C1QTNF3: variants seen among roughly 807,000 people sequenced by gnomAD.
C1QTNF3 encodes complement C1q tumor necrosis factor-related protein 3.
A neutral mutation model predicts 32.6 loss-of-function variants in C1QTNF3; 26 were observed. The ratio of observed to expected loss-of-function variants is 0.80; its 90% CI spans 0.58 to 1.11. The LOEUF (loss-of-function observed/expected upper bound fraction) is 1.11, where lower values mean the gene tolerates loss of function less well. C1QTNF3 is among the 50% of genes least tolerant of loss of function. The pLI is 0.00. For synonymous variants in C1QTNF3, 155 were observed against 146.0 expected, an observed-to-expected ratio of 1.06 and a Z score of -0.44; for missense variants, 362 against 398.2, an observed-to-expected ratio of 0.91 and a Z score of 0.77.
chr5:34,080,119 T>C, the C1QTNF3 span, among the ~76,000 whole-genome samples: 3 of 151,698 alleles, frequency 2.0e-5, no homozygotes, highest in Admixed American at 2.0e-4. Flanking sequence ...AGTTCTTTTT[T>C]TTAAAGTGCA....
the C1QTNF3 span, among the ~76,000 whole-genome samples, chr5:34,224,943 A>C: frequency 6.6e-6 from 1 of 152,220 alleles, no homozygotes; most frequent in African/African-American, 2.4e-5. Context: ...AATGAACTCA[A>C]ACAAATTTAC....
chr5:34,033,436 G>A lies in C1QTNF3; in HGVS notation c.438C>T (p.Asn146=), dbSNP rs775873735. Residue 146 remains asparagine (N), a synonymous_variant, in exon 3 of 6, where the codon AAC becomes AAT. Transcript: ENST00000382065. ...CTCCTTCATGACCAGTGGCTCCATT[G>A]TTGCCATTGTTTCCATGGTTTCCTT... The part of the protein sequence containing the change: ...GIPGNHGNNG[N]NGATGHEGAK... 9 of 1,614,024 alleles carry A rather than the reference G, an allele frequency of 5.6e-6. No individual in the cohort carries two copies. Among genetic ancestry groups the A allele is most frequent in the Non-Finnish European group, 6.8e-6 (8 of 1,180,016 alleles).
At chr5:34,069,900 T>C in the C1QTNF3 span, among the ~76,000 whole-genome samples, 71 of 152,322 alleles carry the variant, frequency 4.7e-4, 2 homozygotes, top group African/African-American at 1.6e-3. Flanking sequence ...AGGTATTGTA[T>C]GTCAGAAAGA....
the C1QTNF3 span, among the ~76,000 whole-genome samples, chr5:34,197,748 A>G: frequency 9.2e-5 from 14 of 152,020 alleles, no homozygotes; most frequent in Admixed American, 5.9e-4. Context: ...CACTGTCGCT[A>G]TAGAATACCA....
At chr5:34,104,987 GTTTTTTTTT>G in the C1QTNF3 span, among the ~76,000 whole-genome samples, 1 of 133,120 alleles carries the variant, frequency 7.5e-6, no homozygotes, top group African/African-American at 2.7e-5. Flanking sequence ...TTCAGCAAGA[GTTTTTTTTT>G]TTTTACTTGT....
chr5:34,178,458 A>C, the C1QTNF3 span, among the ~76,000 whole-genome samples: 1 of 116,404 alleles, frequency 8.6e-6, no homozygotes, highest in Admixed American at 8.5e-5. Flanking sequence ...CCTGTGTGTC[A>C]ACTCCAACCC....
intron 3 of C1QTNF3, among the ~76,000 whole-genome samples, chr5:34,031,650 T>G (rs1012071720): frequency 6.6e-6 from 1 of 152,028 alleles, no homozygotes; most frequent in African/African-American, 2.4e-5. Flanking sequence ...CTGGCCAACA[T>G]AGAGAAATGC....
the C1QTNF3 span, among the ~76,000 whole-genome samples, chr5:34,049,502 C>T: frequency 1.3e-5 from 2 of 152,318 alleles, no homozygotes; most frequent in Non-Finnish European, 1.5e-5. Flanking sequence ...TCTGACCCTC[C>T]GGAACCCAGT....
the C1QTNF3 span, among the ~76,000 whole-genome samples, chr5:34,237,596 A>T: frequency 6.6e-6 from 1 of 152,196 alleles, no homozygotes; most frequent in African/African-American, 2.4e-5. Flanking sequence ...GTCAGGAAGC[A>T]CCACCCCCAC....
chr5:34,022,758 G>T (rs189005733), intron 5 of C1QTNF3, among the ~76,000 whole-genome samples: 98 of 152,314 alleles, frequency 6.4e-4, no homozygotes, highest in African/African-American at 2.0e-3. Flanking sequence ...ATTTCCACAA[G>T]CTTGCAACAG....
the C1QTNF3 span, among the ~76,000 whole-genome samples, chr5:34,070,510 T>A: frequency 3.3e-5 from 5 of 152,162 alleles, no homozygotes; most frequent in African/African-American, 1.2e-4. Flanking sequence ...TAGTTAGCAA[T>A]TACTTACTTC....
At chr5:34,244,246 T>C in the C1QTNF3 span, among the ~76,000 whole-genome samples, 3 of 152,162 alleles carry the variant, frequency 2.0e-5, no homozygotes, top group African/African-American at 7.2e-5. Flanking sequence ...CCATACAAAA[T>C]GTCTCTATAT....
chr5:34,103,678 C>T, the C1QTNF3 span, among the ~76,000 whole-genome samples: 3 of 130,944 alleles, frequency 2.3e-5, no homozygotes, highest in Non-Finnish European at 3.2e-5. Context: ...CTAAACTAGC[C>T]GGGTATGGCA....
At chr5:34,132,580 T>C in the C1QTNF3 span, among the ~76,000 whole-genome samples, 4 of 151,904 alleles carry the variant, frequency 2.6e-5, no homozygotes, top group South Asian at 8.3e-4. Flanking sequence ...GGGACATAAA[T>C]GCCTGTATAC....
the C1QTNF3 span, among the ~76,000 whole-genome samples, chr5:34,062,700 C>T: frequency 6.6e-6 from 1 of 152,178 alleles, no homozygotes; most frequent in Admixed American, 6.5e-5. Flanking sequence ...GAAGGGAGTT[C>T]CTCCCAGATC....
chr5:34,139,841 A>C, the C1QTNF3 span, among the ~76,000 whole-genome samples: 839 of 152,306 alleles, frequency 5.5e-3, 9 homozygotes, highest in African/African-American at 0.019. Context: ...AAATGAAAAG[A>C]ATATGTTTAT....
the C1QTNF3 span, among the ~76,000 whole-genome samples, chr5:34,072,365 A>AAG: frequency 0.37 from 41,529 of 112,522 alleles, 5,846 homozygotes; most frequent in Non-Finnish European, 0.44. Context: ...AAAATTAAAA[A>AAG]AGAAAGAGAA....
chr5:34,195,898 G>A, the C1QTNF3 span, among the ~76,000 whole-genome samples: 3 of 152,282 alleles, frequency 2.0e-5, no homozygotes, highest in Non-Finnish European at 4.4e-5. Flanking sequence ...AGGATACTGG[G>A]AGGCGTGGCC....
Position 34,033,334 on chromosome 5 carries a change from C to T in C1QTNF3, c.540G>A (p.Lys180=). 1.2e-6 allele frequency: 2 copies of T among 1,613,750 alleles called. No individual in the cohort carries two copies. Among genetic ancestry groups the T allele is most frequent in the Non-Finnish European group, 8.5e-7 (1 of 1,179,866 alleles). The change falls in exon 3 of 6, where the codon AAG becomes AAA. Residue 180 remains lysine, a synonymous_variant. Transcript: ENST00000382065. ...GTTCTGGTGGAATCCCCGGGTAGCC[C>T]TTCTCTCCTTTGGGGCCATGCTGCC... The part of the protein sequence containing the change: ...ERGQHGPKGE[K]GYPGIPPELQ...
Sources: gnomAD v4.1 joint callset for allele counts (sites outside exome capture counted in the v4.1 genomes callset) on GRCh38, gnomAD v4.1.1 for gene constraint, MANE v1.5 for transcripts, NCBI Gene and HGNC (gene_info 2026-07-23, HGNC 2026-07-21) for gene names.